Variants in NPAS3 observed in about 807,000 individuals in gnomAD.
NPAS3 encodes neuronal PAS domain protein 3, also known as neuronal PAS domain-containing protein 3.
Under a neutral mutation model 73.1 loss-of-function variants are expected in NPAS3, and 14 were observed. The ratio of observed to expected loss-of-function variants is 0.19; its 90% CI spans 0.13 to 0.30. The LOEUF is 0.30. Among genes scored for constraint, NPAS3 ranks in the 10% least tolerant of loss-of-function variants. The probability of loss-of-function intolerance (pLI) is 1.00; values close to 1 mark genes in which losing one functional copy is unlikely to be tolerated. For missense variants in NPAS3, 1,096 were observed against 1,250.0 expected (o/e 0.88, Z 1.86); for synonymous variants, 620 against 541.5 (o/e 1.14, Z -2.01).
intron 5 of NPAS3, among the ~76,000 whole-genome samples, chr14:33,631,611 C>G (rs1025679273): frequency 2.0e-5 from 3 of 152,196 alleles, no homozygotes; most frequent in East Asian, 1.9e-4. Context: ...GAAGTGGGAG[C>G]TAATGAATGA....
intron 2 of NPAS3, among the ~76,000 whole-genome samples, chr14:33,119,394 C>G (rs1257380676): frequency 2.0e-5 from 3 of 152,052 alleles, no homozygotes; most frequent in African/African-American, 7.2e-5. Flanking sequence ...TTTTTTCCCA[C>G]TATTTTTAGT....
intron 3 of NPAS3, among the ~76,000 whole-genome samples, chr14:33,305,982 A>G (rs1431250146): frequency 6.6e-6 from 1 of 152,194 alleles, no homozygotes; most frequent in Non-Finnish European, 1.5e-5. Context: ...TAGGGTAGGA[A>G]AGTGGTTGGG....
At chr14:33,801,111 GCGCCGCCCGTC>G, downstream of NPAS3, 3 of 1,575,784 alleles carry the variant, frequency 1.9e-6, no homozygotes, top group Admixed American at 3.6e-5. Context: ...GAGGACTGAG[GCGCCGCCCGTC>G]CTGGGCCCGG....
chr14:33,360,202 A>G (rs1007853912), intron 3 of NPAS3, among the ~76,000 whole-genome samples: 1 of 152,232 alleles, frequency 6.6e-6, no homozygotes, highest in Non-Finnish European at 1.5e-5. Flanking sequence ...TGATGCCAGA[A>G]GAAATTAGTT....
At chr14:33,782,956 TC>T (rs1006352431) in intron 9 of NPAS3, among the ~76,000 whole-genome samples, 88 of 152,278 alleles carry the variant, frequency 5.8e-4, no homozygotes, top group African/African-American at 1.9e-3. Flanking sequence ...CCCCTACACT[TC>T]CCTCCTGAAG....
At position 33,460,637 on chromosome 14, in the gene NPAS3, G is replaced by A. The variant is rs918106153; in HGVS notation, c.468+93369G>A. ...ACGTATATTTTCGGCGTACCCTACTGCCTCCTACCCTCCTACTTTCCACCC... is the reference window on the plus strand; with the variant it reads ...ACGTATATTTTCGGCGTACCCTACTACCTCCTACCCTCCTACTTTCCACCC... On this transcript the variant is annotated intron_variant, in intron 4 of 11. Coordinates refer to ENST00000356141, the Ensembl canonical transcript of NPAS3. Among the ~76,000 whole-genome samples the A allele has an allele frequency of 1.2e-4, 18 of 152,176 alleles. No homozygotes were observed. In the East Asian group the frequency reaches 3.3e-3, roughly 28 times the overall value.
chr14:33,317,400 G>T (rs1174115783), intron 3 of NPAS3, among the ~76,000 whole-genome samples: 3 of 152,056 alleles, frequency 2.0e-5, no homozygotes, highest in Non-Finnish European at 4.4e-5. Context: ...CCAAGGCTAA[G>T]TAGCTTGTTT....
intron 4 of NPAS3, among the ~76,000 whole-genome samples, chr14:33,392,647 CAA>C (rs1399920250): frequency 6.6e-6 from 1 of 151,980 alleles, no homozygotes; most frequent in African/African-American, 2.4e-5. Context: ...TCCATATTTC[CAA>C]AAGAAGTCTG....
intron 7 of NPAS3, among the ~76,000 whole-genome samples, chr14:33,746,018 G>A (rs1036069904): frequency 4.6e-5 from 7 of 152,160 alleles, no homozygotes; most frequent in Non-Finnish European, 8.8e-5. Context: ...TATATAGCCC[G>A]TAAGTCTCCA....
intron 3 of NPAS3, among the ~76,000 whole-genome samples, chr14:33,264,496 G>A (rs1462314600): frequency 1.3e-5 from 2 of 152,030 alleles, no homozygotes; most frequent in Non-Finnish European, 2.9e-5. Context: ...AAACCCAAAT[G>A]CTTCCATTTA....
rs191814515 is a variant in NPAS3, at chr14:33,739,882, A to G, written c.852+4550A>G. The stretch of plus-strand genomic sequence containing the variant: ...ATTTATCCATCCAGTGTTGATACAT[A>G]TTGAAGTCCTATACCTTTCTGCCAC... On this transcript the variant is annotated intron_variant, in intron 7 of 11. Coordinates refer to ENST00000356141, the Ensembl canonical transcript of NPAS3. 5.5e-4 allele frequency among the ~76,000 whole-genome samples: 84 copies of G among 152,244 alleles called. 1 individual carries two copies. Among genetic ancestry groups the G allele is most frequent in the Middle Eastern group, 3.4e-3 (1 of 294 alleles).
rs180793527 is a variant in NPAS3, at chr14:33,103,903, C to T, written c.140+47909C>T. ...CAAGAAAAGCACTGGGTAGGTAGCT[C>T]ATGTGTGGCAGAAAGGAGGAAGGGA... On this transcript the variant is annotated intron_variant, in intron 2 of 11. Coordinates refer to ENST00000356141, the Ensembl canonical transcript of NPAS3. 1.6e-3 allele frequency among the ~76,000 whole-genome samples: 239 copies of T among 152,060 alleles called. 1 individual carries two copies. Among genetic ancestry groups the T allele is most frequent in the African/African-American group, 5.4e-3 (224 of 41,466 alleles).
intron 1 of NPAS3, among the ~76,000 whole-genome samples, chr14:33,053,571 C>G (rs537617246): frequency 3.3e-5 from 5 of 152,252 alleles, no homozygotes; most frequent in African/African-American, 1.2e-4. Context: ...AAAACAAAAT[C>G]AGGTGGAGAG....
chr14:33,434,664 T>C (rs568483395), intron 4 of NPAS3, among the ~76,000 whole-genome samples: 1 of 152,246 alleles, frequency 6.6e-6, no homozygotes, highest in Non-Finnish European at 1.5e-5. Context: ...GTTGATTCTT[T>C]CTTTTGAACA....
At chr14:33,698,598 C>T (rs1431357228) in intron 6 of NPAS3, among the ~76,000 whole-genome samples, 4 of 152,144 alleles carry the variant, frequency 2.6e-5, no homozygotes, top group African/African-American at 9.7e-5. Flanking sequence ...TCCACATCCA[C>T]CTTGCTCTTT....
chr14:33,394,622 A>G (rs1267065674), intron 4 of NPAS3, among the ~76,000 whole-genome samples: 3 of 152,154 alleles, frequency 2.0e-5, no homozygotes, highest in Non-Finnish European at 4.4e-5. Context: ...AATTATTTTC[A>G]TGTTAGCAGG....
At chr14:33,374,703 G>GC (rs749327135) in intron 4 of NPAS3, among the ~76,000 whole-genome samples, 3 of 147,090 alleles carry the variant, frequency 2.0e-5, no homozygotes, top group Non-Finnish European at 3.0e-5. Flanking sequence ...GTGTGTCGGG[G>GC]CGGGGGGGGG....
chr14:33,685,693 C>T (rs2060069080), intron 6 of NPAS3, among the ~76,000 whole-genome samples: 1 of 152,162 alleles, frequency 6.6e-6, no homozygotes, highest in Non-Finnish European at 1.5e-5. Flanking sequence ...TTTGTCTACT[C>T]CAAGTATAAC....
rs528366008 is a variant in NPAS3 at position 33,050,970 on chromosome 14, T to A, written c.51-4935T>A. On this transcript the variant is annotated intron_variant, in intron 1 of 11. Coordinates refer to ENST00000356141, the Ensembl canonical transcript of NPAS3. ...GTTCCCATTTTTCACATGAGGAAGC[T>A]GAGGTTAAAAGAGACTAAAGAAGGC... Among the ~76,000 whole-genome samples the A allele has an allele frequency of 2.0e-5, 3 of 152,260 alleles. No individual in the cohort carries two copies. The South Asian group carries it at 6.2e-4, about 32-fold the overall frequency.
Sources: gnomAD v4.1 joint callset for allele counts (sites outside exome capture counted in the v4.1 genomes callset) on GRCh38, gnomAD v4.1.1 for gene constraint, MANE v1.5 for transcripts, NCBI Gene and HGNC (gene_info 2026-07-23, HGNC 2026-07-21) for gene names.